The following AGO3 variants were observed in gnomAD, a reference collection of about 807,000 sequenced individuals.
The protein encoded by AGO3 is argonaute RISC catalytic component 3.
In AGO3, 16 loss-of-function variants were observed where a neutral mutation model predicts 105.5. The observed-to-expected ratio is 0.15, with a 90% CI of 0.10 to 0.23. The LOEUF (loss-of-function observed/expected upper bound fraction) is 0.23, where lower values mean the gene tolerates loss of function less well. AGO3 is among the 10% of genes least tolerant of loss of function. The pLI, the probability that AGO3 is intolerant of heterozygous loss-of-function variation, is 1.00. For missense variants in AGO3, 534 were observed against 1,088.0 expected (o/e 0.49, Z 7.16); for synonymous variants, 340 against 367.3 (o/e 0.93, Z 0.85).
chr1:35,981,395 A>G (rs543282615), intron 5 of AGO3, among the ~76,000 whole-genome samples: 2 of 151,976 alleles, frequency 1.3e-5, no homozygotes, highest in East Asian at 1.9e-4. Flanking sequence ...TCTCTCCTCC[A>G]TTGTTCTGGT....
chr1:36,008,761 C>T lies in AGO3; in HGVS notation c.865C>T (p.Pro289Ser). The stretch of plus-strand genomic sequence containing the variant: ...CCGTGTTTGTAATGTAACAAGGAGG[C>T]CTGCCAGTCATCAAACGTAAGAAAA... ...KYRVCNVTRR[P>S]ASHQTFPLQL... The change falls in exon 7 of 19, where the codon CCT becomes TCT. Residue 289 changes from proline (P) to serine (S), a missense_variant. This residue lies in a region of AGO3 where 373 missense variants were observed against 854.0 expected (regional missense o/e 0.44). Coordinates refer to ENST00000373191, the MANE Select transcript of AGO3 (RefSeq NM_024852.4). The surrounding 1 kb of genome is among the most constrained non-coding windows in gnomAD (Gnocchi z 5.1). 1 of 1,614,030 alleles carries T rather than the reference C, an allele frequency of 6.2e-7. No individual in the cohort carries two copies. The highest frequency in any genetic ancestry group is 8.5e-7 in the Non-Finnish European group (1 of 1,180,006).
chr1:35,945,300 A>G (rs927613539), intron 1 of AGO3, among the ~76,000 whole-genome samples: 3 of 150,474 alleles, frequency 2.0e-5, no homozygotes, highest in Non-Finnish European at 3.0e-5. Context: ...TGATCCTCCT[A>G]CCTTGGCCTC....
At chr1:35,934,515 A>G (rs1325871907) in intron 1 of AGO3, among the ~76,000 whole-genome samples, 4 of 152,220 alleles carry the variant, frequency 2.6e-5, no homozygotes, top group Non-Finnish European at 5.9e-5. Flanking sequence ...TAAAAGTTGC[A>G]TATATGGGAA....
At chr1:35,959,769 G>A (rs2148763359) in intron 2 of AGO3, among the ~76,000 whole-genome samples, 1 of 152,046 alleles carries the variant, frequency 6.6e-6, no homozygotes, top group African/African-American at 2.4e-5. Flanking sequence ...TTCATTATTT[G>A]TGTTAATTTA....
At chr1:35,987,857 C>T (rs923479909) in intron 5 of AGO3, among the ~76,000 whole-genome samples, 5 of 151,718 alleles carry the variant, frequency 3.3e-5, no homozygotes, top group African/African-American at 9.7e-5. Flanking sequence ...ATCACGAGGT[C>T]AGGAGTTCGA....
chr1:36,044,772 T>C (rs1161178470), intron 17 of AGO3, among the ~76,000 whole-genome samples: 1 of 152,178 alleles, frequency 6.6e-6, no homozygotes, highest in Non-Finnish European at 1.5e-5. Flanking sequence ...TTAAAAAGTT[T>C]TTCTTATTCT....
intron 9 of AGO3, among the ~76,000 whole-genome samples, chr1:36,010,468 G>A (rs116824519): frequency 3.9e-4 from 59 of 152,098 alleles, no homozygotes; most frequent in African/African-American, 1.3e-3. Context: ...GTGGGGCATG[G>A]TGGCATGTGT....
At chr1:35,958,564 G>C (rs1367939064) in intron 2 of AGO3, among the ~76,000 whole-genome samples, 2 of 151,386 alleles carry the variant, frequency 1.3e-5, no homozygotes, top group Admixed American at 6.6e-5. Context: ...GGGAGGTTGA[G>C]ACAGGAGAAT....
At chr1:35,977,762 G>A (rs1569579269) in intron 5 of AGO3, among the ~76,000 whole-genome samples, 1 of 151,982 alleles carries the variant, frequency 6.6e-6, no homozygotes, top group Middle Eastern at 3.4e-3. Flanking sequence ...GCATATGTAT[G>A]CTTTGTTCTT....
At chr1:35,991,588 T>C (rs1163725878) in intron 5 of AGO3, among the ~76,000 whole-genome samples, 1 of 149,448 alleles carries the variant, frequency 6.7e-6, no homozygotes, top group Admixed American at 6.7e-5. Flanking sequence ...AGAAAATGTA[T>C]TTATCAACAA....
At chr1:36,021,752 C>G (rs2148827624) in intron 11 of AGO3, among the ~76,000 whole-genome samples, 1 of 152,182 alleles carries the variant, frequency 6.6e-6, no homozygotes, top group Admixed American at 6.5e-5. Flanking sequence ...ATTCATTTAG[C>G]CAAGGTGATC....
chr1:36,000,839 A>G (rs560052155), intron 5 of AGO3, among the ~76,000 whole-genome samples: 1 of 151,866 alleles, frequency 6.6e-6, no homozygotes, highest in South Asian at 2.1e-4. Context: ...CAATCTTAAC[A>G]GTCTCTCTTT....
rs1178722736 is a variant in AGO3, at chr1:36,027,515, C to T, written c.1591+217C>T. Among the ~76,000 whole-genome samples the T allele has an allele frequency of 6.6e-6, 1 of 152,164 alleles. No homozygotes were observed. Among genetic ancestry groups the T allele is most frequent in the Admixed American group, 6.5e-5 (1 of 15,282 alleles). On this transcript the variant is annotated intron_variant, in intron 12 of 18. Transcript: ENST00000373191. This position sits in a 1 kb window ranked among gnomAD's most constrained non-coding sequence, Gnocchi z 4.0. The stretch of plus-strand genomic sequence containing the variant: ...TTTCCGGGCTGGGCGTGGTGGCTCA[C>T]GCCTGTAATCCCAGCACTTTGGGAG...
chr1:36,009,254 G>T, intron 8 of AGO3: 2 of 807,612 alleles, frequency 2.5e-6, no homozygotes, highest in South Asian at 4.8e-5. Flanking sequence ...TTAACATTTT[G>T]GTATACTATA....
chr1:35,936,255 T>TA (rs748191713), intron 1 of AGO3, among the ~76,000 whole-genome samples: 1,800 of 144,566 alleles, frequency 0.012, 12 homozygotes, highest in Admixed American at 0.017. Context: ...AGCCACTGCT[T>TA]AAAAAAAAAA....
chr1:35,946,722 GTAT>G (rs1241056350), intron 2 of AGO3, among the ~76,000 whole-genome samples: 1 of 152,136 alleles, frequency 6.6e-6, no homozygotes, highest in African/African-American at 2.4e-5. Flanking sequence ...CTAATTGTTA[GTAT>G]TTCTGTTATA....
chr1:35,963,634 G>A (rs1053340210), intron 2 of AGO3, among the ~76,000 whole-genome samples: 1 of 151,682 alleles, frequency 6.6e-6, no homozygotes, highest in African/African-American at 2.4e-5. Context: ...AATGGGGCTT[G>A]GGAAATTATT....
At position 35,931,413 on chromosome 1, in the gene AGO3, C is replaced by G; in HGVS notation, c.-14C>G. 6.6e-7 allele frequency: 1 copy of G among 1,504,276 alleles called. No homozygotes were observed. The highest frequency in any genetic ancestry group is 1.7e-4 in the Middle Eastern group (1 of 5,748). 93.2% of individuals were successfully genotyped at this position (1,504,276 alleles called of 1,614,324 possible). A position where few individuals can be genotyped will look rare whatever the true frequency, so the allele number is the denominator to read the frequency against. On this transcript the variant is annotated 5_prime_UTR_variant, in exon 1 of 19. Coordinates refer to ENST00000373191, the MANE Select transcript of AGO3 (RefSeq NM_024852.4). Reference sequence around the variant, plus strand: ...GCTCCGTTCTCCCTCGAAGCACTCCCCCCAGCTCCATGAATGGAAATCGGC... The same window carrying G: ...GCTCCGTTCTCCCTCGAAGCACTCCGCCCAGCTCCATGAATGGAAATCGGC...
intron 9 of AGO3, 91 bp from the exon 10 acceptor site, chr1:36,013,539 C>T: frequency 6.7e-7 from 1 of 1,501,478 alleles, no homozygotes; most frequent in East Asian, 2.3e-5. Context: ...ATATTATGGA[C>T]ACAGTGAAGA....
Sources: allele counts gnomAD v4.1 joint callset (sites outside exome capture counted in the v4.1 genomes callset), GRCh38; gene constraint gnomAD v4.1.1; regional missense constraint gnomAD v4.1.1; non-coding constraint Gnocchi (gnomAD v3.1); transcripts MANE v1.5; gene names NCBI Gene and HGNC (gene_info 2026-07-23, HGNC 2026-07-21).